Variants in GNAI3 observed in about 807,000 individuals in gnomAD.
The protein encoded by GNAI3 is guanine nucleotide-binding protein G(i) subunit alpha-3.
In GNAI3, 12 loss-of-function variants were observed where a neutral mutation model predicts 41.8. The observed-to-expected ratio is 0.29, with a 90% CI of 0.18 to 0.47. GNAI3 has a LOEUF of 0.47. Ranked by LOEUF, GNAI3 falls within the 20% of genes least tolerant of loss-of-function variation. The pLI is 1.00. For synonymous variants in GNAI3, 132 were observed against 146.5 expected, an observed-to-expected ratio of 0.90 and a Z score of 0.71; for missense variants, 360 against 429.6, an observed-to-expected ratio of 0.84 and a Z score of 1.43.
intron 6 of GNAI3, 105 bp from the exon 7 acceptor site, chr1:109,586,624 G>A (rs1055454955): frequency 9.9e-6 from 8 of 807,858 alleles, no homozygotes; most frequent in African/African-American, 3.4e-5. Flanking sequence ...ACTTATTTCC[G>A]TGAATGCCAT....
intron 5 of GNAI3, among the ~76,000 whole-genome samples, chr1:109,584,561 T>G (rs1648990288): frequency 6.6e-6 from 1 of 152,218 alleles, no homozygotes; most frequent in Admixed American, 6.5e-5. Context: ...TACTTGATTG[T>G]TGGCATGTAG....
intron 1 of GNAI3, among the ~76,000 whole-genome samples, chr1:109,569,686 G>A (rs1175559340): frequency 6.6e-6 from 1 of 152,084 alleles, no homozygotes; most frequent in Non-Finnish European, 1.5e-5. Context: ...TAAAAATAGT[G>A]CCCCTGAGAT....
Position 109,548,716 on chromosome 1 carries a change from C to T in GNAI3, c.-5C>T. 1 of 1,607,448 alleles carries T rather than the reference C, an allele frequency of 6.2e-7. No homozygotes were observed. The highest frequency in any genetic ancestry group is 8.5e-7 in the Non-Finnish European group (1 of 1,174,638). ...CGGGCCCGTGTCCCCTCTCCCGCCGCCGCCATGGGCTGCACGTTGAGCGCC... is the reference window on the plus strand; with the variant it reads ...CGGGCCCGTGTCCCCTCTCCCGCCGTCGCCATGGGCTGCACGTTGAGCGCC... On this transcript the variant is annotated 5_prime_UTR_variant, in exon 1 of 9. Transcript: ENST00000369851.
chr1:109,581,774 A>C (rs1268992124), intron 4 of GNAI3, among the ~76,000 whole-genome samples: 1 of 151,928 alleles, frequency 6.6e-6, no homozygotes, highest in East Asian at 1.9e-4. Flanking sequence ...CTGTAATCCC[A>C]GCTGTTCAGG....
chr1:109,563,311 C>T (rs950408052), intron 1 of GNAI3, among the ~76,000 whole-genome samples: 2 of 152,128 alleles, frequency 1.3e-5, no homozygotes, highest in African/African-American at 2.4e-5. Context: ...AGCCCTGGGG[C>T]GGGGCAGAGG....
chr1:109,586,775 A>C lies in GNAI3; in HGVS notation c.767A>C (p.Asn256Thr), dbSNP rs1223320569. The change falls in exon 7 of 9, where the codon AAC becomes ACC. Residue 256 changes from asparagine (N) to threonine (T), a missense_variant. By Grantham distance (65) the Asn-to-Thr change is moderately conservative (BLOSUM62 0). Coordinates refer to ENST00000369851, the MANE Select transcript of GNAI3 (RefSeq NM_006496.4). ...AAACTGTTTGACAGCATTTGTAATA[A>C]CAAATGGTTTACAGAAACTTCAATC... The part of the protein sequence containing the change: ...SMKLFDSICN[N>T]KWFTETSIIL... The C allele has an allele frequency of 6.2e-7, 1 of 1,604,968 alleles. No homozygotes were observed. Among genetic ancestry groups the C allele is most frequent in the South Asian group, 1.1e-5 (1 of 90,722 alleles).
intron 1 of GNAI3, among the ~76,000 whole-genome samples, chr1:109,551,092 C>T (rs1210854920): frequency 6.6e-6 from 1 of 152,228 alleles, no homozygotes; most frequent in Non-Finnish European, 1.5e-5. Flanking sequence ...CAAAATTAGA[C>T]ACTTGACTTA....
At chr1:109,567,957 A>G (rs1571152717) in intron 1 of GNAI3, among the ~76,000 whole-genome samples, 1 of 147,830 alleles carries the variant, frequency 6.8e-6, no homozygotes, top group South Asian at 2.2e-4. Flanking sequence ...AAAGAGAAGG[A>G]CTCAGGGGAT....
intron 4 of GNAI3, among the ~76,000 whole-genome samples, 163 bp downstream of exon 4, chr1:109,579,524 A>G (rs1163826741): frequency 1.3e-5 from 2 of 152,196 alleles, no homozygotes; most frequent in Non-Finnish European, 2.9e-5. Flanking sequence ...GCCCTTGGTC[A>G]TTTGTATGAT....
At chr1:109,566,618 A>G (rs1171712737) in intron 1 of GNAI3, among the ~76,000 whole-genome samples, 2 of 152,082 alleles carry the variant, frequency 1.3e-5, no homozygotes, top group South Asian at 2.1e-4. Flanking sequence ...CCGGAGTGCA[A>G]TGGCGCGGTC....
chr1:109,551,822 T>C (rs1175636436), intron 1 of GNAI3, among the ~76,000 whole-genome samples: 1 of 152,206 alleles, frequency 6.6e-6, no homozygotes, highest in Non-Finnish European at 1.5e-5. Context: ...CACTTCAGTA[T>C]TGTAATTCTT....
rs1649356306 is a variant in GNAI3, at chr1:109,597,994, TAATC to T, written c.*5675_*5678del. On this transcript the variant is annotated 3_prime_UTR_variant, in exon 9 of 9. Transcript: ENST00000369851. ...AGTGAGAATCACAAGGTACCAGAAA[TAATC>T]AAATAATAAATATTAATACACTGCT... 6.6e-6 allele frequency: 1 copy of T among 152,170 alleles called. No individual in the cohort carries two copies. Among genetic ancestry groups the T allele is most frequent in the African/African-American group, 2.4e-5 (1 of 41,440 alleles). 9.4% of individuals were successfully genotyped at this position (152,170 alleles called of 1,614,324 possible).
Position 109,586,725 on chromosome 1 carries a change from T to C in GNAI3, c.721-4T>C, listed in dbSNP as rs956361857. On this transcript the variant is annotated splice_polypyrimidine_tract_variant and splice_region_variant and intron_variant, in intron 6 of 8. Coordinates refer to ENST00000369851, the MANE Select transcript of GNAI3 (RefSeq NM_006496.4). ...TGACCTATCATCCTTTATTTCTTTT[T>C]CAGAACCGAATGCATGAAAGCATGA... 6.3e-7 allele frequency: 1 copy of C among 1,589,002 alleles called. No homozygotes were observed. Among genetic ancestry groups the C allele is most frequent in the East Asian group, 2.2e-5 (1 of 44,712 alleles).
intron 1 of GNAI3, among the ~76,000 whole-genome samples, chr1:109,566,407 T>G (rs778249768): frequency 2.6e-5 from 4 of 152,228 alleles, no homozygotes; most frequent in Non-Finnish European, 5.9e-5. Context: ...TTTTCAGGCA[T>G]GTAGGAGACA....
chr1:109,581,349 A>G (rs3768486), intron 4 of GNAI3, among the ~76,000 whole-genome samples: 27,906 of 151,666 alleles, frequency 0.18, 2,725 homozygotes, highest in East Asian at 0.34. Flanking sequence ...ATTCTTACTC[A>G]CTATAGTTCT....
chr1:109,569,361 T>C (rs1387757211), intron 1 of GNAI3, among the ~76,000 whole-genome samples: 1 of 152,218 alleles, frequency 6.6e-6, no homozygotes, highest in Non-Finnish European at 1.5e-5. Flanking sequence ...ATTTCAACTA[T>C]TACTTCCCTG....
At chr1:109,549,816 G>A (rs557919249) in intron 1 of GNAI3, among the ~76,000 whole-genome samples, 15 of 152,242 alleles carry the variant, frequency 9.9e-5, no homozygotes, top group African/African-American at 3.1e-4. Context: ...TTTGATAGTC[G>A]TTTTAATTGG....
intron 1 of GNAI3, among the ~76,000 whole-genome samples, chr1:109,556,697 A>G (rs896513903): frequency 6.6e-6 from 1 of 151,992 alleles, no homozygotes; most frequent in Non-Finnish European, 1.5e-5. Flanking sequence ...AGCATTCTCA[A>G]CTTCATCTAG....
chr1:109,575,751 C>G (rs962890180), intron 3 of GNAI3, among the ~76,000 whole-genome samples: 2 of 151,846 alleles, frequency 1.3e-5, no homozygotes, highest in East Asian at 3.9e-4. Context: ...AGGCTGGTCT[C>G]GAACTCCTGA....
Sources: allele counts gnomAD v4.1 joint callset (sites outside exome capture counted in the v4.1 genomes callset), GRCh38; gene constraint gnomAD v4.1.1; transcripts MANE v1.5; gene names NCBI Gene and HGNC (gene_info 2026-07-23, HGNC 2026-07-21).